The following CDH11 variants were observed in gnomAD, a reference collection of about 807,000 sequenced individuals.
CDH11 encodes cadherin 11.
A neutral mutation model predicts 67.8 loss-of-function variants in CDH11; 11 were observed. The observed-to-expected ratio is 0.16, with a 90% CI of 0.10 to 0.27. CDH11 has a LOEUF of 0.27. Ranked by LOEUF, CDH11 falls within the 10% of genes least tolerant of loss-of-function variation. The pLI is 1.00. For missense variants in CDH11, 847 were observed against 1,031.2 expected (o/e 0.82, Z 2.45); for synonymous variants, 419 against 400.0 (o/e 1.05, Z -0.57).
At chr16:65,096,605 T>C in intron 1 of CDH11, among the ~76,000 whole-genome samples, 1 of 150,992 alleles carries the variant, frequency 6.6e-6, no homozygotes. Context: ...ACATATATAA[T>C]ACACATATAT....
At chr16:65,043,834 G>T (rs181783337) in intron 2 of CDH11, among the ~76,000 whole-genome samples, 4 of 152,146 alleles carry the variant, frequency 2.6e-5, no homozygotes, top group East Asian at 1.9e-4. Flanking sequence ...ATTGGTCTTG[G>T]GGGGAGGGGA....
chr16:65,006,928 T>C (rs2073068013), intron 2 of CDH11: 1 of 152,378 alleles, frequency 6.6e-6, no homozygotes, highest in Admixed American at 6.5e-5. Context: ...CCACGTAAGA[T>C]ATGACTTGCT....
intron 11 of CDH11, among the ~76,000 whole-genome samples, chr16:64,960,722 G>C (rs1255292668): frequency 6.6e-6 from 1 of 152,134 alleles, no homozygotes; most frequent in Non-Finnish European, 1.5e-5. Flanking sequence ...CAAGAGAAAG[G>C]ACATGGTAGA....
chr16:64,984,821 T>C (rs906346951), intron 7 of CDH11: 1 of 152,202 alleles, frequency 6.6e-6, no homozygotes. Flanking sequence ...GACATTAAGT[T>C]AACAAATCAG....
chr16:64,959,437 CA>C (rs1328280348), intron 11 of CDH11, among the ~76,000 whole-genome samples: 1 of 152,136 alleles, frequency 6.6e-6, no homozygotes. Flanking sequence ...CCAAGAGATT[CA>C]GGGGGATATT....
chr16:65,105,125 T>A (rs914097531), intron 1 of CDH11, among the ~76,000 whole-genome samples: 3 of 143,542 alleles, frequency 2.1e-5, no homozygotes, highest in Middle Eastern at 3.9e-3. Flanking sequence ...CAAGTTACAA[T>A]ATTTTTTTTA....
chr16:65,073,468 G>A (rs1292413748), intron 1 of CDH11, among the ~76,000 whole-genome samples: 1 of 152,162 alleles, frequency 6.6e-6, no homozygotes, highest in Non-Finnish European at 1.5e-5. Flanking sequence ...TTTTAGTAGA[G>A]ATGGGGTTTC....
At chr16:64,977,730 C>T (rs775584810) in intron 8 of CDH11, among the ~76,000 whole-genome samples, 124 of 152,282 alleles carry the variant, frequency 8.1e-4, no homozygotes, top group Non-Finnish European at 1.3e-3. Context: ...TGACTGTCCA[C>T]GTGACTTTAA....
upstream of CDH11, chr16:65,122,323 C>T: frequency 3.4e-6 from 1 of 293,796 alleles, no homozygotes; most frequent in Non-Finnish European, 6.4e-6. Flanking sequence ...CCTCCCGCCC[C>T]GTGGCGCGGC....
intron 1 of CDH11, among the ~76,000 whole-genome samples, chr16:65,054,146 A>G (rs2074103837): frequency 6.6e-6 from 1 of 152,248 alleles, no homozygotes; most frequent in Non-Finnish European, 1.5e-5. Context: ...TTAACCATAC[A>G]TGCGTTTCGT....
intron 12 of CDH11, among the ~76,000 whole-genome samples, chr16:64,949,269 T>C (rs2071285257): frequency 6.6e-6 from 1 of 152,170 alleles, no homozygotes; most frequent in African/African-American, 2.4e-5. Flanking sequence ...CTATTAACTT[T>C]TTAGGGCTTT....
At chr16:65,018,257 T>C (rs774876471) in intron 2 of CDH11, among the ~76,000 whole-genome samples, 1 of 152,152 alleles carries the variant, frequency 6.6e-6, no homozygotes, top group African/African-American at 2.4e-5. Flanking sequence ...AGGGACTCCA[T>C]AGAGAAGGTA....
intron 1 of CDH11, among the ~76,000 whole-genome samples, chr16:65,068,941 G>A (rs1375589520): frequency 6.6e-6 from 1 of 152,106 alleles, no homozygotes; most frequent in South Asian, 2.1e-4. Flanking sequence ...CTAATTTGAT[G>A]TTTCCCTATG....
At chr16:65,023,790 T>C (rs570630482) in intron 2 of CDH11, among the ~76,000 whole-genome samples, 1 of 152,176 alleles carries the variant, frequency 6.6e-6, no homozygotes, top group Non-Finnish European at 1.5e-5. Context: ...AATTAGCAAA[T>C]AATGAGCAGT....
chr16:65,076,363 C>T (rs1424651223), intron 1 of CDH11, among the ~76,000 whole-genome samples: 1 of 151,882 alleles, frequency 6.6e-6, no homozygotes, highest in Admixed American at 6.6e-5. Flanking sequence ...AAAACAAAAA[C>T]AAAAACAAAA....
At chr16:64,970,248 G>A (rs1037503858) in intron 11 of CDH11, among the ~76,000 whole-genome samples, 3 of 152,114 alleles carry the variant, frequency 2.0e-5, no homozygotes, top group Non-Finnish European at 4.4e-5. Context: ...GATTTATAAG[G>A]CCCATAATTA....
intron 1 of CDH11, among the ~76,000 whole-genome samples, chr16:65,081,994 C>T (rs1221897085): frequency 6.6e-6 from 1 of 152,150 alleles, no homozygotes; most frequent in Non-Finnish European, 1.5e-5. Flanking sequence ...GCCACTGCTT[C>T]CCCAGTGCTA....
chr16:64,993,333 C>T (rs2072681071), intron 4 of CDH11, among the ~76,000 whole-genome samples: 1 of 151,742 alleles, frequency 6.6e-6, no homozygotes, highest in South Asian at 2.1e-4. Flanking sequence ...AATATTATTG[C>T]AAAAATATCT....
chr16:64,966,714 G>A (rs1290891017), intron 11 of CDH11, among the ~76,000 whole-genome samples: 1 of 151,984 alleles, frequency 6.6e-6, no homozygotes, highest in Non-Finnish European at 1.5e-5. Flanking sequence ...TTTTGGGTGA[G>A]GAACATCTTG....
Sources: allele counts gnomAD v4.1 joint callset (sites outside exome capture counted in the v4.1 genomes callset), GRCh38; gene constraint gnomAD v4.1.1; transcripts MANE v1.5; gene names NCBI Gene and HGNC (gene_info 2026-07-23, HGNC 2026-07-21).